MED13L: variants seen among roughly 807,000 people sequenced by gnomAD.
MED13L encodes the protein mediator of RNA polymerase II transcription subunit 13-like.
In MED13L, 7 loss-of-function variants were observed where a neutral mutation model predicts 220.9. The ratio of observed to expected loss-of-function variants is 0.03; its 90% CI spans 0.02 to 0.06. The LOEUF is 0.06. Ranked by LOEUF, MED13L falls within the 10% of genes least tolerant of loss-of-function variation. The pLI, the probability that MED13L is intolerant of heterozygous loss-of-function variation, is 1.00. For missense variants in MED13L, 1,965 were observed against 2,760.5 expected (o/e 0.71, Z 6.46); for synonymous variants, 1,011 against 1,015.2 (o/e 1.00, Z 0.08).
At chr12:116,030,329 C>A (rs1044372904) in intron 4 of MED13L, among the ~76,000 whole-genome samples, 2 of 151,870 alleles carry the variant, frequency 1.3e-5, no homozygotes, top group Non-Finnish European at 2.9e-5. Context: ...AAAACTTAAA[C>A]GTGTAGTTCC....
chr12:116,003,090 C>G lies in MED13L; in HGVS notation c.2482G>C (p.Ala828Pro), dbSNP rs1306650173. Reference sequence around the variant, plus strand: ...GCAGGCATTTTTGATGAGCGCAGAGCAGGTGATACAGCCTAAGAACAGACG... The same window carrying G: ...GCAGGCATTTTTGATGAGCGCAGAGGAGGTGATACAGCCTAAGAACAGACG... ...DDDELGAVSP[A>P]LRSSKMPAVG... Residue 828 changes from alanine (A) to proline (P), a missense_variant, in exon 14 of 31, where the codon GCT (alanine) becomes CCT (proline). Physicochemically the swap from Ala to Pro is conservative, Grantham distance 27 (BLOSUM62 -1). Around this residue, in one of 10 missense-constraint regions of MED13L, gnomAD observed 818 missense variants for 1,041.2 expected, o/e 0.79. Transcript: ENST00000281928. 1 of 1,613,980 alleles carries G rather than the reference C, an allele frequency of 6.2e-7. No homozygotes were observed. The highest frequency in any genetic ancestry group is 8.5e-7 in the Non-Finnish European group (1 of 1,179,842).
intron 29 of MED13L, among the ~76,000 whole-genome samples, chr12:115,965,776 A>G (rs1876111852): frequency 6.6e-6 from 1 of 152,162 alleles, no homozygotes; most frequent in South Asian, 2.1e-4. Context: ...ATAGTGATGC[A>G]ATATAGACTT....
chr12:116,210,271 T>C (rs1882605835), intron 2 of MED13L, among the ~76,000 whole-genome samples: 1 of 152,154 alleles, frequency 6.6e-6, no homozygotes, highest in African/African-American at 2.4e-5. Context: ...GAGTATCAAC[T>C]GGACTATACG....
intron 1 of MED13L, among the ~76,000 whole-genome samples, chr12:116,241,742 G>A (rs973106156): frequency 1.3e-5 from 2 of 151,986 alleles, no homozygotes; most frequent in Non-Finnish European, 2.9e-5. Context: ...AACTAATTCA[G>A]GTAAAACAGC....
intron 1 of MED13L, among the ~76,000 whole-genome samples, chr12:116,248,325 T>C (rs1489427320): frequency 6.6e-6 from 1 of 152,142 alleles, no homozygotes. Context: ...ATGGAAAAAC[T>C]GATGATTAAA....
rs1260887370 is a variant in MED13L, at chr12:116,005,920, G to T, written c.2418C>A (p.Ser806=). ...CAAAGATGTTGTCTAAGTCATGCAG[G>T]GAAGGTGCCAAATCTGTTACCTGTG... ...SLTQVTDLAP[S]LHDLDNIFDN... is the part of the protein sequence containing the mutation. The change falls in exon 13 of 31, where the codon TCC becomes TCA. Residue 806 remains serine (S), a synonymous_variant. Coordinates refer to ENST00000281928, the MANE Select transcript of MED13L (RefSeq NM_015335.5). 8.7e-6 allele frequency: 14 copies of T among 1,614,000 alleles called. No individual in the cohort carries two copies. Among genetic ancestry groups the T allele is most frequent in the Non-Finnish European group, 1.2e-5 (14 of 1,179,896 alleles).
At chr12:116,224,001 T>A (rs1265343909) in intron 2 of MED13L, among the ~76,000 whole-genome samples, 1 of 152,182 alleles carries the variant, frequency 6.6e-6, no homozygotes, top group Non-Finnish European at 1.5e-5. Context: ...TACCAGGAAT[T>A]ACGTTCCAAT....
chr12:116,031,749 A>G (rs1175167901), intron 4 of MED13L, among the ~76,000 whole-genome samples: 537 of 53,500 alleles, frequency 0.01, 16 homozygotes, highest in East Asian at 0.024. Flanking sequence ...AGAAAAGAAA[A>G]GAAAAGAAAA....
intron 15 of MED13L, 118 bp from the exon 16 acceptor site, chr12:115,996,799 C>G (rs1878434600): frequency 9.2e-7 from 1 of 1,085,636 alleles, no homozygotes. Context: ...TATTTCTCTC[C>G]TATGATCATT....
At chr12:116,011,669 A>G (rs767769204) in intron 9 of MED13L, among the ~76,000 whole-genome samples, 1 of 152,218 alleles carries the variant, frequency 6.6e-6, no homozygotes, top group Non-Finnish European at 1.5e-5. Context: ...ACCTACTAAC[A>G]CCAGAGAGAG....
At chr12:116,201,837 A>T (rs1882024224) in intron 2 of MED13L, among the ~76,000 whole-genome samples, 1 of 152,224 alleles carries the variant, frequency 6.6e-6, no homozygotes, top group Admixed American at 6.5e-5. Context: ...AATGAGCAAT[A>T]TAATACAGTA....
chr12:116,165,021 T>C (rs1321592265), intron 2 of MED13L, among the ~76,000 whole-genome samples: 4 of 152,188 alleles, frequency 2.6e-5, no homozygotes, highest in African/African-American at 9.6e-5. Flanking sequence ...ATATCTGCAA[T>C]ACATGGTTAA....
chr12:116,265,697 A>G lies in MED13L; in HGVS notation c.72+11363T>C, dbSNP rs568346529. ...TCTTAATCTAAATTGGCCTGCCCACACTTCAAATTTTCCACCTAATAAAAA... is the reference window on the plus strand; with the variant it reads ...TCTTAATCTAAATTGGCCTGCCCACGCTTCAAATTTTCCACCTAATAAAAA... On this transcript the variant is annotated intron_variant, in intron 1 of 30. Transcript: ENST00000281928. Among the ~76,000 whole-genome samples the G allele has an allele frequency of 4.5e-4, 69 of 152,334 alleles. 2 individuals carry two copies. In the South Asian group the frequency reaches 0.014, roughly 31 times the overall value.
intron 7 of MED13L, among the ~76,000 whole-genome samples, chr12:116,018,509 C>G (rs1879864822): frequency 6.6e-6 from 1 of 152,148 alleles, no homozygotes; most frequent in Non-Finnish European, 1.5e-5. Context: ...TAAATAATCT[C>G]ATTTCGGCTC....
In MED13L at chr12:116,183,629, G is replaced by A. The variant is rs1184485513; in HGVS notation, c.310+53839C>T. Among the ~76,000 whole-genome samples the A allele has an allele frequency of 2.6e-5, 4 of 151,938 alleles. No individual in the cohort carries two copies. The East Asian group carries it at 7.7e-4, about 29-fold the overall frequency. On this transcript the variant is annotated intron_variant, in intron 2 of 30. Coordinates refer to ENST00000281928, the MANE Select transcript of MED13L (RefSeq NM_015335.5). ...GTATCACAAGCAAAACCCCCTTTAA[G>A]GTGAAATGTCATTTTTCAAAGACAA...
intron 2 of MED13L, among the ~76,000 whole-genome samples, chr12:116,127,531 A>T (rs116017060): frequency 6.6e-6 from 1 of 152,200 alleles, no homozygotes; most frequent in Non-Finnish European, 1.5e-5. Flanking sequence ...TAAAATATAG[A>T]TATATTCAAA....
At chr12:116,173,830 C>A (rs569438547) in intron 2 of MED13L, among the ~76,000 whole-genome samples, 122 of 152,272 alleles carry the variant, frequency 8.0e-4, no homozygotes, top group African/African-American at 2.9e-3. Flanking sequence ...TAACCCAGTG[C>A]AAACATGTAT....
chr12:116,137,368 T>A (rs1243442257), intron 2 of MED13L, among the ~76,000 whole-genome samples: 10 of 152,142 alleles, frequency 6.6e-5, no homozygotes, highest in Admixed American at 5.2e-4. Flanking sequence ...ACAAATATAA[T>A]CTCCACTTTA....
intron 2 of MED13L, among the ~76,000 whole-genome samples, chr12:116,141,702 A>T (rs2138050377): frequency 6.6e-6 from 1 of 152,196 alleles, no homozygotes; most frequent in Middle Eastern, 3.4e-3. Flanking sequence ...GATCATGACA[A>T]TAGCCTCCCG....
Sources: gnomAD v4.1 joint callset for allele counts (sites outside exome capture counted in the v4.1 genomes callset) on GRCh38, gnomAD v4.1.1 for gene constraint, gnomAD v4.1.1 regional missense constraint, MANE v1.5 for transcripts, NCBI Gene and HGNC (gene_info 2026-07-23, HGNC 2026-07-21) for gene names.